Variants in MAGI2 observed in about 807,000 individuals in gnomAD.
MAGI2 encodes membrane-associated guanylate kinase, WW and PDZ domain-containing protein 2.
MAGI2 carries 35 observed loss-of-function variants against 133.3 expected under a neutral mutation model. The ratio of observed to expected loss-of-function variants is 0.26; its 90% CI spans 0.20 to 0.35. The LOEUF (loss-of-function observed/expected upper bound fraction) is 0.35, where lower values mean the gene tolerates loss of function less well. Ranked by LOEUF, MAGI2 falls within the 10% of genes least tolerant of loss-of-function variation. MAGI2 has a pLI of 1.00. For missense variants in MAGI2, 1,636 were observed against 1,863.4 expected (o/e 0.88, Z 2.25); for synonymous variants, 729 against 710.6 (o/e 1.03, Z -0.41).
In MAGI2 at chr7:78,646,689, G is replaced by T. The variant is rs138547528; in HGVS notation, c.419-19450C>A. ...TGGAAGATCCCATATCATGTCCAAAGAAAGATTGTTGAACTTAGCTTTTTC... is the reference window on the plus strand; with the variant it reads ...TGGAAGATCCCATATCATGTCCAAATAAAGATTGTTGAACTTAGCTTTTTC... On this transcript the variant is annotated intron_variant, in intron 2 of 21. Transcript: ENST00000354212. 4.5e-3 allele frequency among the ~76,000 whole-genome samples: 688 copies of T among 152,288 alleles called. 5 individuals are homozygous for T. Among genetic ancestry groups the T allele is most frequent in the Middle Eastern group, 0.01 (3 of 294 alleles).
At chr7:78,434,372 C>A (rs1267748560) in intron 6 of MAGI2, among the ~76,000 whole-genome samples, 3 of 152,084 alleles carry the variant, frequency 2.0e-5, no homozygotes, top group Non-Finnish European at 4.4e-5. Context: ...AGGAAGTCAG[C>A]GTATATGTCT....
chr7:79,194,693 T>A (rs1040316725), intron 1 of MAGI2, among the ~76,000 whole-genome samples: 1 of 151,872 alleles, frequency 6.6e-6, no homozygotes, highest in African/African-American at 2.4e-5. Flanking sequence ...AAAATTGACA[T>A]CTAGCTTTTT....
chr7:78,119,195 A>G (rs937449796), intron 20 of MAGI2, among the ~76,000 whole-genome samples: 1 of 152,178 alleles, frequency 6.6e-6, no homozygotes, highest in Non-Finnish European at 1.5e-5. Flanking sequence ...GAATTTTTAG[A>G]GCAGTAAAAA....
chr7:79,132,845 T>A (rs1046897676), intron 1 of MAGI2, among the ~76,000 whole-genome samples: 1 of 152,162 alleles, frequency 6.6e-6, no homozygotes, highest in Non-Finnish European at 1.5e-5. Context: ...TGGCCATTAT[T>A]TCAGGAGTAC....
intron 16 of MAGI2, among the ~76,000 whole-genome samples, chr7:78,156,976 C>G (rs1296818719): frequency 6.6e-6 from 1 of 152,182 alleles, no homozygotes; most frequent in Non-Finnish European, 1.5e-5. Flanking sequence ...GCATAAACCT[C>G]GGTCAGTCTC....
chr7:79,361,109 T>C (rs917251673), intron 1 of MAGI2, among the ~76,000 whole-genome samples: 3 of 152,230 alleles, frequency 2.0e-5, no homozygotes, highest in Non-Finnish European at 4.4e-5. Context: ...AGATAATTAC[T>C]ACATTCAAAG....
At chr7:78,456,047 G>T (rs1789283192) in intron 6 of MAGI2, among the ~76,000 whole-genome samples, 1 of 151,340 alleles carries the variant, frequency 6.6e-6, no homozygotes, top group African/African-American at 2.4e-5. Flanking sequence ...TAGTCAACTT[G>T]TTTCAGTTGC....
intron 3 of MAGI2, among the ~76,000 whole-genome samples, chr7:78,574,777 G>A (rs551478218): frequency 3.3e-5 from 5 of 152,320 alleles, no homozygotes; most frequent in South Asian, 2.1e-4. Context: ...TATGAGACAC[G>A]TTGATTACAG....
intron 14 of MAGI2, chr7:78,170,390 CAG>C (rs1274348712): frequency 6.6e-6 from 1 of 152,162 alleles, no homozygotes; most frequent in Non-Finnish European, 1.5e-5. Context: ...TATTGAAAAA[CAG>C]AGCCCAGTAA....
intron 2 of MAGI2, among the ~76,000 whole-genome samples, chr7:78,815,769 C>G (rs1256230525): frequency 6.6e-6 from 1 of 152,120 alleles, no homozygotes; most frequent in East Asian, 1.9e-4. Flanking sequence ...TGTATATATT[C>G]TTACTGCTCC....
chr7:79,367,833 C>CAT (rs1431496480), intron 1 of MAGI2, among the ~76,000 whole-genome samples: 8 of 88,078 alleles, frequency 9.1e-5, no homozygotes, highest in East Asian at 3.2e-4. Flanking sequence ...CCCATTAAGT[C>CAT]ATATATATAT....
chr7:78,328,195 A>G (rs547885800), intron 9 of MAGI2, among the ~76,000 whole-genome samples: 70 of 152,032 alleles, frequency 4.6e-4, no homozygotes, highest in Non-Finnish European at 8.5e-4. Flanking sequence ...TTTTTTTCCA[A>G]AGGAAAAATG....
At position 78,346,721 on chromosome 7, in the gene MAGI2, T is replaced by C. The variant is rs551015438; in HGVS notation, c.1104-678A>G. 7.2e-5 allele frequency among the ~76,000 whole-genome samples: 11 copies of C among 152,322 alleles called. No homozygotes were observed. The South Asian group carries it at 2.1e-3, about 29-fold the overall frequency. On this transcript the variant is annotated intron_variant, in intron 7 of 21. Coordinates refer to ENST00000354212, the MANE Select transcript of MAGI2 (RefSeq NM_012301.4). ...GCTTATAGTCCAAGCAAACTGTGAA[T>C]TTCTGTATAGCAGGCTGTTTGAAAT...
chr7:78,515,745 C>T (rs1484013653), intron 4 of MAGI2, among the ~76,000 whole-genome samples: 1 of 151,914 alleles, frequency 6.6e-6, no homozygotes, highest in Non-Finnish European at 1.5e-5. Flanking sequence ...ACTAAAAATA[C>T]AAAATTAGCC....
intron 6 of MAGI2, among the ~76,000 whole-genome samples, chr7:78,430,834 A>G (rs1799723810): frequency 6.6e-6 from 1 of 152,080 alleles, no homozygotes; most frequent in Non-Finnish European, 1.5e-5. Context: ...TAACACCGCA[A>G]AGGGATGGCT....
chr7:79,304,374 G>A (rs187304851), intron 1 of MAGI2, among the ~76,000 whole-genome samples: 17 of 152,028 alleles, frequency 1.1e-4, no homozygotes, highest in African/African-American at 4.1e-4. Flanking sequence ...GAATAATCAT[G>A]GGGTTTATGA....
At chr7:78,479,219 G>A (rs1792101918) in intron 6 of MAGI2, among the ~76,000 whole-genome samples, 1 of 151,888 alleles carries the variant, frequency 6.6e-6, no homozygotes, top group Non-Finnish European at 1.5e-5. Flanking sequence ...ATTACCTTGG[G>A]AATTGTGGTT....
intron 2 of MAGI2, among the ~76,000 whole-genome samples, chr7:79,002,306 G>T (rs1292489386): frequency 2.0e-5 from 3 of 148,176 alleles, no homozygotes; most frequent in Admixed American, 1.3e-4. Context: ...TTTTTTTTTT[G>T]TAGAGATAGT....
chr7:79,173,692 T>C (rs1034354035), intron 1 of MAGI2, among the ~76,000 whole-genome samples: 1 of 151,990 alleles, frequency 6.6e-6, no homozygotes, highest in African/African-American at 2.4e-5. Flanking sequence ...CAAAAATAAA[T>C]ATGGAAGACT....
Sources: allele counts gnomAD v4.1 joint callset (sites outside exome capture counted in the v4.1 genomes callset), GRCh38; gene constraint gnomAD v4.1.1; transcripts MANE v1.5; gene names NCBI Gene and HGNC (gene_info 2026-07-23, HGNC 2026-07-21).